The following PKHD1 variants were observed in gnomAD, a reference collection of about 807,000 sequenced individuals.
PKHD1 encodes the protein PKHD1 ciliary IPT domain containing fibrocystin/polyductin.
PKHD1 carries 291 observed loss-of-function variants against 412.0 expected under a neutral mutation model. The ratio of observed to expected loss-of-function variants is 0.71; its 90% CI spans 0.64 to 0.78. The LOEUF (loss-of-function observed/expected upper bound fraction) is 0.78. Ranked by LOEUF, PKHD1 falls within the 30% of genes least tolerant of loss-of-function variation. The pLI is 0.00. For synonymous variants in PKHD1, 1,777 were observed against 1,821.5 expected (o/e 0.98, Z 0.62); for missense variants, 4,825 against 4,950.7 (o/e 0.97, Z 0.76).
At chr6:51,661,634 T>G (rs1222746486) in intron 60 of PKHD1, among the ~76,000 whole-genome samples, 5 of 151,266 alleles carry the variant, frequency 3.3e-5, no homozygotes, top group Non-Finnish European at 5.9e-5. Context: ...ATAAAACATT[T>G]AAAGGAACAG....
At chr6:51,628,084 C>T (rs1422421264) in intron 65 of PKHD1, among the ~76,000 whole-genome samples, 2 of 151,996 alleles carry the variant, frequency 1.3e-5, no homozygotes, top group African/African-American at 4.8e-5. Context: ...TCTTTTTCAA[C>T]TTTTATTTTA....
intron 63 of PKHD1, among the ~76,000 whole-genome samples, chr6:51,647,471 G>T (rs1032829482): frequency 2.0e-5 from 3 of 152,110 alleles, no homozygotes; most frequent in Non-Finnish European, 2.9e-5. Flanking sequence ...AGCTGGCAGT[G>T]GTGCTGGGAT....
intron 39 of PKHD1, among the ~76,000 whole-genome samples, chr6:51,909,893 T>C (rs539530034): frequency 6.6e-6 from 1 of 152,280 alleles, no homozygotes; most frequent in Admixed American, 6.5e-5. Context: ...AATCTTAAGC[T>C]GTCCAATGAG....
intron 60 of PKHD1, among the ~76,000 whole-genome samples, chr6:51,660,192 T>A (rs1772610403): frequency 6.6e-6 from 1 of 152,104 alleles, no homozygotes; most frequent in Non-Finnish European, 1.5e-5. Flanking sequence ...CATAATATGT[T>A]ATTTAAAGTT....
At chr6:52,018,260 G>T (rs1208368034) in intron 33 of PKHD1, among the ~76,000 whole-genome samples, 2 of 151,902 alleles carry the variant, frequency 1.3e-5, no homozygotes, top group Non-Finnish European at 2.9e-5. Flanking sequence ...TTCATCTAGG[G>T]TGCATGCCTA....
At chr6:51,830,641 C>A (rs1051696411) in intron 52 of PKHD1, among the ~76,000 whole-genome samples, 2 of 152,114 alleles carry the variant, frequency 1.3e-5, no homozygotes, top group Non-Finnish European at 2.9e-5. Context: ...TTACTTATTC[C>A]ACTTTTAATG....
intron 47 of PKHD1, 92 bp from the exon 48 acceptor site, chr6:51,868,201 T>C (rs1331693872): frequency 2.6e-6 from 3 of 1,133,926 alleles, no homozygotes; most frequent in African/African-American, 1.5e-5. Flanking sequence ...AAATTGCATA[T>C]TTATCTAGTT....
rs757148837 is a variant in PKHD1, at chr6:51,748,557, A to C, written c.9059T>G (p.Leu3020Arg). ...AATGCCCCCGCCACAGCTCTGGTGCAGAGTAGATGATATGATCCAGGATCC... is the reference window on the plus strand; with the variant it reads ...AATGCCCCCGCCACAGCTCTGGTGCCGAGTAGATGATATGATCCAGGATCC... ...SAGSWIISST[L>R]HQSCGGGIHA... is the part of the protein sequence containing the mutation. Residue 3020 changes from leucine (L) to arginine (R), a missense_variant, in exon 58 of 67, where the codon CTG becomes CGG. Physicochemically the swap from Leu to Arg is moderately radical, Grantham distance 102 (BLOSUM62 -2). Transcript: ENST00000371117. 2.5e-6 allele frequency: 4 copies of C among 1,613,678 alleles called. No individual in the cohort carries two copies. Among genetic ancestry groups the C allele is most frequent in the Non-Finnish European group, 3.4e-6 (4 of 1,179,700 alleles).
rs769414959 is a variant in PKHD1, at chr6:51,909,261, T to C, written c.6682+22A>G. 50 of 1,587,500 alleles carry C rather than the reference T, an allele frequency of 3.1e-5. No individual in the cohort carries two copies. In the South Asian group the frequency reaches 5.2e-4, roughly 16 times the overall value. On this transcript the variant is annotated intron_variant, in intron 40 of 66. Transcript: ENST00000371117. ...CATGGGAGAAAGAAACATGAGAAAG[T>C]CCTAGGTCCGGACCCCCTTACCTCT...
In PKHD1 at chr6:51,903,598, T is replaced by A. The variant is rs1038561443; in HGVS notation, c.6995A>T (p.Glu2332Val). The stretch of plus-strand genomic sequence containing the variant: ...TCCTGGTAGAGCTGAACATCTTACC[T>A]CTATAACATTGGTGGGACTGCAGAT... ...IYICSPTNVI[E>V]GNRVCGAGYG... The change falls in exon 43 of 67, where the codon GAG becomes GTG. Residue 2332 changes from glutamate (E) to valine (V), a missense_variant and splice_region_variant. Glu to Val is a moderately radical substitution (Grantham distance 121). Coordinates refer to ENST00000371117, the MANE Select transcript of PKHD1 (RefSeq NM_138694.4). 6.2e-7 allele frequency: 1 copy of A among 1,609,968 alleles called. No homozygotes were observed. The highest frequency in any genetic ancestry group is 1.3e-5 in the African/African-American group (1 of 74,842).
chr6:51,972,279 T>G (rs1319416188), intron 35 of PKHD1, among the ~76,000 whole-genome samples: 3 of 152,184 alleles, frequency 2.0e-5, no homozygotes, highest in Non-Finnish European at 4.4e-5. Context: ...CTAAATAACT[T>G]TTTCCTAGTT....
At chr6:51,650,040 G>C (rs1372562452) in intron 61 of PKHD1, among the ~76,000 whole-genome samples, 2 of 152,072 alleles carry the variant, frequency 1.3e-5, no homozygotes, top group East Asian at 1.9e-4. Flanking sequence ...GTCCAAAAAG[G>C]CTTAAATAAC....
At chr6:51,943,682 T>C (rs1004538663) in intron 36 of PKHD1, among the ~76,000 whole-genome samples, 1 of 151,566 alleles carries the variant, frequency 6.6e-6, no homozygotes, top group Non-Finnish European at 1.5e-5. Flanking sequence ...AATACCTGCT[T>C]TTCTCCTTGT....
In PKHD1 at chr6:52,025,458, G is replaced by C; in HGVS notation, c.4352C>G (p.Pro1451Arg). Residue 1451 changes from proline (P) to arginine (R), a missense_variant, in exon 32 of 67, where the codon CCC becomes CGC. Coordinates refer to ENST00000371117, the MANE Select transcript of PKHD1 (RefSeq NM_138694.4). Reference protein sequence around the residue: ...ILCQVSLEGDPLPGASFSLNV... With the variant: ...ILCQVSLEGDRLPGASFSLNV... Reference sequence around the variant, plus strand: ...CAGGGAGAAGGAAGCTCCAGGCAAGGGGTCACCCTCCAGGCTAACCTGGCA... The same window carrying C: ...CAGGGAGAAGGAAGCTCCAGGCAAGCGGTCACCCTCCAGGCTAACCTGGCA... The C allele has an allele frequency of 6.2e-7, 1 of 1,608,904 alleles. No individual in the cohort carries two copies. Among genetic ancestry groups the C allele is most frequent in the Non-Finnish European group, 8.5e-7 (1 of 1,176,666 alleles).
At chr6:51,815,340 T>C (rs1765277470) in intron 52 of PKHD1, among the ~76,000 whole-genome samples, 1 of 152,164 alleles carries the variant, frequency 6.6e-6, no homozygotes. Context: ...ATATCCAAGG[T>C]GTTGTAGGAA....
intron 15 of PKHD1, among the ~76,000 whole-genome samples, chr6:52,058,991 T>G (rs1808248884): frequency 6.6e-6 from 1 of 152,156 alleles, no homozygotes; most frequent in South Asian, 2.1e-4. Flanking sequence ...GCAAATCAAT[T>G]TCAGACATAC....
intron 38 of PKHD1, 30 bp from the exon 39 acceptor site, chr6:51,911,986 A>G: frequency 6.4e-7 from 1 of 1,554,846 alleles, no homozygotes; most frequent in South Asian, 1.1e-5. Flanking sequence ...GATAGAACTG[A>G]GGACATCACT....
intron 64 of PKHD1, among the ~76,000 whole-genome samples, chr6:51,635,958 G>A (rs921833513): frequency 8.6e-5 from 13 of 151,318 alleles, no homozygotes; most frequent in South Asian, 2.1e-4. Flanking sequence ...GAACCCCACG[G>A]CACCAAGAAA....
intron 35 of PKHD1, among the ~76,000 whole-genome samples, chr6:51,982,738 C>T (rs1795631916): frequency 7.0e-6 from 1 of 143,688 alleles, no homozygotes; most frequent in South Asian, 2.3e-4. Context: ...ATCTGCTGAC[C>T]TTCCCTCCAC....
Sources: allele counts gnomAD v4.1 joint callset (sites outside exome capture counted in the v4.1 genomes callset), GRCh38; gene constraint gnomAD v4.1.1; transcripts MANE v1.5; gene names NCBI Gene and HGNC (gene_info 2026-07-23, HGNC 2026-07-21).